PAK6: variants seen among roughly 807,000 people sequenced by gnomAD.
PAK6 encodes the protein p21 (RAC1) activated kinase 6.
PAK6 carries 33 observed loss-of-function variants against 60.8 expected under a neutral mutation model. The observed-to-expected ratio is 0.54, with a 90% CI of 0.41 to 0.73. PAK6 has a LOEUF of 0.73. Ranked by LOEUF, PAK6 falls within the 30% of genes least tolerant of loss-of-function variation. The probability of loss-of-function intolerance (pLI) is 0.00; values close to 1 mark genes in which losing one functional copy is unlikely to be tolerated. For missense variants in PAK6, 845 were observed against 904.1 expected (o/e 0.93, Z 0.84); for synonymous variants, 404 against 378.5 (o/e 1.07, Z -0.78).
intron 3 of PAK6, among the ~76,000 whole-genome samples, chr15:40,260,927 C>T (rs769665360): frequency 3.4e-5 from 5 of 147,638 alleles, no homozygotes; most frequent in East Asian, 2.0e-4. Flanking sequence ...CTCGCTCTGT[C>T]GCCCAGGCTG....
exon 11 of PAK6, chr15:40,276,777 T>TGTGTGTGTGTGTGC (rs1566860775): frequency 6.5e-6 from 1 of 153,006 alleles, no homozygotes; most frequent in Non-Finnish European, 1.4e-5. Flanking sequence ...TGTGTGTGTG[T>TGTGTGTGTGTGTGC]GTGTGTGTGT....
chr15:40,274,375 A>G (rs2039391619), intron 10 of PAK6, 99 bp downstream of exon 10: 3 of 1,318,436 alleles, frequency 2.3e-6, no homozygotes, highest in African/African-American at 1.5e-5. Context: ...CACTGAAGCC[A>G]CAGGGTCTGG....
chr15:40,240,529 G>A (rs2038293893), intron 1 of PAK6, 70 bp from the exon 2 acceptor site: 1 of 408,462 alleles, frequency 2.4e-6, no homozygotes, highest in Admixed American at 3.0e-5. Flanking sequence ...AAGAGAAGAG[G>A]CTGGGTGAGA....
chr15:40,242,888 G>C (rs1267359186), intron 2 of PAK6, among the ~76,000 whole-genome samples: 2 of 152,188 alleles, frequency 1.3e-5, no homozygotes, highest in Non-Finnish European at 2.9e-5. Flanking sequence ...TGACTACTAG[G>C]TGCAAGCACT....
intron 2 of PAK6, chr15:40,251,179 A>C (rs2038657164): frequency 6.6e-6 from 1 of 152,446 alleles, no homozygotes; most frequent in Admixed American, 6.5e-5. Context: ...GGGGAGGAGA[A>C]CAGAAACTAA....
chr15:40,252,496 C>G, intron 2 of PAK6: 1 of 1,363,508 alleles, frequency 7.3e-7, no homozygotes, highest in African/African-American at 1.5e-5. Flanking sequence ...GGCAACTTCT[C>G]CCGCGCTCTG....
chr15:40,273,533 C>T lies in PAK6; in HGVS notation c.1618-18C>T. On this transcript the variant is annotated intron_variant, in intron 8 of 10. Coordinates refer to ENST00000560346, the Ensembl canonical transcript of PAK6. ...CCACTTCCTCCTGATCCACCACTCACTCCCTTTTCAACCGCAGGTGAAGCT... is the reference window on the plus strand; with the variant it reads ...CCACTTCCTCCTGATCCACCACTCATTCCCTTTTCAACCGCAGGTGAAGCT... 3 of 1,613,972 alleles carry T rather than the reference C, an allele frequency of 1.9e-6. No homozygotes were observed. Among genetic ancestry groups the T allele is most frequent in the Non-Finnish European group, 2.5e-6 (3 of 1,179,998 alleles).
intron 2 of PAK6, chr15:40,251,794 TATAGA>T (rs1047232987): frequency 3.9e-5 from 6 of 152,326 alleles, no homozygotes; most frequent in African/African-American, 1.4e-4. Flanking sequence ...CTTCCCCCAG[TATAGA>T]AAACACCCTG....
At chr15:40,275,287 T>TTTCTTTTC (rs1566859726) in intron 10 of PAK6, among the ~76,000 whole-genome samples, 7 of 107,328 alleles carry the variant, frequency 6.5e-5, no homozygotes, top group African/African-American at 2.6e-4. Flanking sequence ...TTGGTTTTTT[T>TTTCTTTTC]TTTTTTTTTT....
chr15:40,256,731 C>T (rs1304138861), intron 3 of PAK6: 1 of 152,224 alleles, frequency 6.6e-6, no homozygotes, highest in Non-Finnish European at 1.5e-5. Context: ...CACTTAGTCT[C>T]TCCTTCTCTG....
chr15:40,252,389 C>T lies in PAK6; in HGVS notation c.-117-789C>T, dbSNP rs770713785. 47 of 1,330,548 alleles carry T rather than the reference C, an allele frequency of 3.5e-5. No homozygotes were observed. In the Admixed American group the frequency reaches 9.4e-4, roughly 27 times the overall value. 82.4% of individuals were successfully genotyped at this position (1,330,548 alleles called of 1,614,324 possible). ...CAGGCCAGGGCCCGGAGGCGAAGGG[C>T]GGGCGGGAACTGGGGCCAAGCAGGT... On this transcript the variant is annotated intron_variant, in intron 2 of 10. Transcript: ENST00000560346.
At chr15:40,244,199 C>T (rs112429249) in intron 2 of PAK6, among the ~76,000 whole-genome samples, 2,461 of 151,670 alleles carry the variant, frequency 0.016, 37 homozygotes, top group Non-Finnish European at 0.021. Context: ...GACGTGGTGG[C>T]GCGTGCCTGT....
At chr15:40,253,012 C>T (rs1396735255) in intron 2 of PAK6, 166 bp from the exon 3 acceptor site, 2 of 421,630 alleles carry the variant, frequency 4.7e-6, no homozygotes, top group Admixed American at 3.8e-5. Flanking sequence ...TCCCCTTCTC[C>T]CCGTAAGCCC....
exon 6 of PAK6, chr15:40,272,595 C>T (rs753965012): frequency 1.3e-5 from 21 of 1,612,742 alleles, no homozygotes; most frequent in African/African-American, 5.3e-5. Context: ...TGGACAGCTA[C>T]GTGAAGATTG....
At chr15:40,263,748 G>A (rs745803114) in intron 3 of PAK6, 91 of 365,198 alleles carry the variant, frequency 2.5e-4, no homozygotes, top group Middle Eastern at 9.7e-4. Flanking sequence ...ATGGGTATCC[G>A]GGACTACAGG....
At chr15:40,273,200 C>T in intron 7 of PAK6, 146 bp from the exon 8 acceptor site, 1 of 1,167,966 alleles carries the variant, frequency 8.6e-7, no homozygotes, top group Non-Finnish European at 1.2e-6. Context: ...CCAGTTTTCA[C>T]CAGGGCTATG....
chr15:40,272,503 G>A (rs1356295773), exon 6 of PAK6: 6 of 1,613,728 alleles, frequency 3.7e-6, no homozygotes, highest in South Asian at 1.1e-5. Context: ...CCTGGCTGGT[G>A]AGGACACAGG....
At chr15:40,254,583 G>A (rs2140960319) in intron 3 of PAK6, among the ~76,000 whole-genome samples, 1 of 152,188 alleles carries the variant, frequency 6.6e-6, no homozygotes, top group East Asian at 1.9e-4. Flanking sequence ...CTGGGATAGA[G>A]GGAGCCTCTG....
intron 2 of PAK6, among the ~76,000 whole-genome samples, chr15:40,247,633 G>C (rs944750435): frequency 1.3e-5 from 2 of 152,214 alleles, no homozygotes; most frequent in Admixed American, 6.5e-5. Flanking sequence ...GGCAGGCAGA[G>C]AGAGAGAGGC....
Sources: allele counts gnomAD v4.1 joint callset (sites outside exome capture counted in the v4.1 genomes callset), GRCh38; gene constraint gnomAD v4.1.1; transcripts MANE v1.5; gene names NCBI Gene and HGNC (gene_info 2026-07-23, HGNC 2026-07-21).